Variants in SCIN observed in about 807,000 individuals in gnomAD.
SCIN encodes the protein adseverin.
A neutral mutation model predicts 91.8 loss-of-function variants in SCIN; 91 were observed. That is an observed-to-expected ratio of 0.99 (90% confidence interval 0.84 to 1.18). SCIN has a LOEUF of 1.18. Among genes scored for constraint, SCIN ranks in the 50% most tolerant of loss-of-function variants. SCIN has a pLI of 0.00. For synonymous variants in SCIN, 367 were observed against 312.6 expected (o/e 1.17, Z -1.84); for missense variants, 1,087 against 863.9 (o/e 1.26, Z -3.24).
chr7:12,593,459 A>G (rs561886641), intron 3 of SCIN, among the ~76,000 whole-genome samples: 1 of 152,174 alleles, frequency 6.6e-6, no homozygotes, highest in African/African-American at 2.4e-5. Flanking sequence ...TAGTTCCTAC[A>G]TATGTAACAA....
intron 9 of SCIN, among the ~76,000 whole-genome samples, chr7:12,631,360 A>C (rs932833580): frequency 2.6e-5 from 4 of 152,208 alleles, no homozygotes; most frequent in African/African-American, 9.6e-5. Context: ...AAAGGATTTT[A>C]TGTAAGATCA....
intron 3 of SCIN, among the ~76,000 whole-genome samples, chr7:12,592,538 G>C (rs939579138): frequency 7.2e-5 from 11 of 151,984 alleles, no homozygotes; most frequent in Non-Finnish European, 1.6e-4. Context: ...AATGAGAGAG[G>C]CAGGAAGTGG....
In SCIN at chr7:12,651,827, G is replaced by C; in HGVS notation, c.1960-14G>C. On this transcript the variant is annotated splice_polypyrimidine_tract_variant and intron_variant, in intron 14 of 15. Coordinates refer to ENST00000297029, the MANE Select transcript of SCIN (RefSeq NM_001112706.3). The surrounding 1 kb of genome is among the most constrained non-coding windows in gnomAD (Gnocchi z 5.9). ...CCCAGAAATCATACATATTGTTATTGTTTCATTTTTCAGATATTTATTTGG... is the reference window on the plus strand; with the variant it reads ...CCCAGAAATCATACATATTGTTATTCTTTCATTTTTCAGATATTTATTTGG... 6.6e-7 allele frequency: 1 copy of C among 1,523,900 alleles called. No individual in the cohort carries two copies. Among genetic ancestry groups the C allele is most frequent in the Non-Finnish European group, 9.0e-7 (1 of 1,109,818 alleles). The allele number at this position is 1,523,900 out of a possible 1,614,324, so 94.4% of individuals were successfully genotyped here. A position where few individuals can be genotyped will look rare whatever the true frequency, so the allele number is the denominator to read the frequency against.
In SCIN at chr7:12,659,713, G is replaced by A. The variant is rs373134270; in HGVS notation, c.*6998G>A. The stretch of plus-strand genomic sequence containing the variant: ...AAGAGCCACAGTGGCTGGCTAAAAT[G>A]GCACAGTGGCAAATCCTGACCATGG... On this transcript the variant is annotated 3_prime_UTR_variant, in exon 16 of 16. Transcript: ENST00000297029. 4 of 153,152 alleles carry A rather than the reference G, an allele frequency of 2.6e-5. No homozygotes were observed. Among genetic ancestry groups the A allele is most frequent in the Admixed American group, 2.0e-4 (3 of 15,276 alleles). The allele number at this position is 153,152 out of a possible 1,614,324, so 9.5% of individuals were successfully genotyped here.
intron 3 of SCIN, among the ~76,000 whole-genome samples, chr7:12,582,862 A>G (rs2115214434): frequency 6.6e-6 from 1 of 152,320 alleles, no homozygotes; most frequent in South Asian, 2.1e-4. Flanking sequence ...CCTTATGCAC[A>G]ATAATTTTCT....
chr7:12,601,075 G>A (rs534686072), intron 3 of SCIN, among the ~76,000 whole-genome samples: 6 of 152,294 alleles, frequency 3.9e-5, no homozygotes, highest in Admixed American at 3.3e-4. Flanking sequence ...CTAAATAACT[G>A]CATTCGATTC....
intron 4 of SCIN, among the ~76,000 whole-genome samples, chr7:12,612,970 G>A (rs1783227730): frequency 6.6e-6 from 1 of 152,134 alleles, no homozygotes; most frequent in African/African-American, 2.4e-5. Flanking sequence ...CTCTGAATGA[G>A]TTAATTTTCC....
intron 4 of SCIN, among the ~76,000 whole-genome samples, chr7:12,620,967 T>C (rs1268424148): frequency 1.3e-5 from 2 of 152,112 alleles, no homozygotes; most frequent in Non-Finnish European, 2.9e-5. Context: ...ATTGTCAAAA[T>C]ATATGTTATT....
At chr7:12,611,226 T>C (rs6956491) in intron 4 of SCIN, 67,512 of 152,096 alleles carry the variant, frequency 0.44, 15,936 homozygotes, top group Admixed American at 0.6. Context: ...TGTCTTGTTC[T>C]TCCCCCAAAG....
chr7:12,577,901 A>G (rs968851546), intron 1 of SCIN, 163 bp from the exon 2 acceptor site: 4 of 635,458 alleles, frequency 6.3e-6, no homozygotes, highest in Non-Finnish European at 1.0e-5. Context: ...TATTAGCAAA[A>G]TAATGTATTA....
At chr7:12,594,658 G>T (rs557891933) in intron 3 of SCIN, among the ~76,000 whole-genome samples, 96 of 152,218 alleles carry the variant, frequency 6.3e-4, no homozygotes, top group Non-Finnish European at 7.9e-4. Context: ...TCTTGGGAGG[G>T]GTAGACTGAG....
intron 3 of SCIN, among the ~76,000 whole-genome samples, chr7:12,588,142 A>G (rs1248630303): frequency 1.3e-5 from 2 of 152,304 alleles, no homozygotes; most frequent in East Asian, 3.9e-4. Context: ...ATACCACTAG[A>G]TTTATAAGAG....
intron 1 of SCIN, chr7:12,571,659 T>C (rs560591843): frequency 1.1e-5 from 5 of 443,846 alleles, no homozygotes; most frequent in Non-Finnish European, 2.3e-5. Context: ...TATATACAAA[T>C]AAATAGCTCT....
intron 4 of SCIN, among the ~76,000 whole-genome samples, chr7:12,620,438 A>T (rs1783383992): frequency 6.6e-6 from 1 of 152,074 alleles, no homozygotes; most frequent in African/African-American, 2.4e-5. Flanking sequence ...TATTAATGAG[A>T]TCATGCATTG....
intron 11 of SCIN, 64 bp downstream of exon 11, chr7:12,640,581 A>G (rs1352329781): frequency 3.6e-6 from 5 of 1,370,616 alleles, no homozygotes; most frequent in Middle Eastern, 2.0e-4. Context: ...CTGAGCCATC[A>G]GCAAATATTA....
At position 12,644,185 on chromosome 7, in the gene SCIN, G is replaced by C; in HGVS notation, c.1629G>C (p.Leu543=). ...NSLNSNDVFV[L]KLPQNSGYIW... ...TGAATTCTAACGATGTTTTTGTCCT[G>C]AAACTGCCACAAAATAGTGGCTACA... is the stretch of plus-strand genomic sequence containing the variant. Residue 543 remains leucine (L), a synonymous_variant, in exon 12 of 16, where the codon CTG becomes CTC. Transcript: ENST00000297029. The C allele has an allele frequency of 6.2e-7, 1 of 1,612,908 alleles. No homozygotes were observed. The highest frequency in any genetic ancestry group is 2.2e-5 in the East Asian group (1 of 44,834).
In SCIN at chr7:12,656,984, A is replaced by C. The variant is rs1784174470; in HGVS notation, c.*4269A>C. 1 of 151,944 alleles carries C rather than the reference A, an allele frequency of 6.6e-6. No individual in the cohort carries two copies. Among genetic ancestry groups the C allele is most frequent in the Non-Finnish European group, 1.5e-5 (1 of 67,968 alleles). 9.4% of individuals were successfully genotyped at this position (151,944 alleles called of 1,614,324 possible). A position where few individuals can be genotyped will look rare whatever the true frequency, so the allele number is the denominator to read the frequency against. ...TTAATATTCATTAGGAAATGACTAA[A>C]ATCAAATATTTTACTTGGTAATGCC... On this transcript the variant is annotated 3_prime_UTR_variant, in exon 16 of 16. Coordinates refer to ENST00000297029, the MANE Select transcript of SCIN (RefSeq NM_001112706.3).
intron 4 of SCIN, 39 bp downstream of exon 4, chr7:12,604,702 C>T (rs1042099139): frequency 3.3e-6 from 5 of 1,495,518 alleles, no homozygotes; most frequent in Middle Eastern, 3.4e-4. Context: ...GGTTACCACT[C>T]CAACTCGTAT....
intron 1 of SCIN, 192 bp from the exon 2 acceptor site, chr7:12,577,872 G>A (rs570233891): frequency 7.1e-5 from 37 of 524,640 alleles, no homozygotes; most frequent in Non-Finnish European, 1.1e-4. Flanking sequence ...AAAAAAAATA[G>A]ACTAAAAAAA....
Sources: allele counts gnomAD v4.1 joint callset (sites outside exome capture counted in the v4.1 genomes callset), GRCh38; gene constraint gnomAD v4.1.1; non-coding constraint Gnocchi (gnomAD v3.1); transcripts MANE v1.5; gene names NCBI Gene and HGNC (gene_info 2026-07-23, HGNC 2026-07-21).